GRIK2: variants seen among roughly 807,000 people sequenced by gnomAD.
The protein encoded by GRIK2 is glutamate ionotropic receptor kainate type subunit 2, also known as glutamate receptor ionotropic, kainate 2.
In GRIK2, 32 loss-of-function variants were observed where a neutral mutation model predicts 100.3. That is an observed-to-expected ratio of 0.32 (90% CI 0.24 to 0.43). The LOEUF is 0.43. GRIK2 is among the 20% of genes least tolerant of loss of function. GRIK2 has a pLI of 1.00. For missense variants in GRIK2, 843 were observed against 1,114.9 expected, an observed-to-expected ratio of 0.76 and a Z score of 3.47; for synonymous variants, 417 against 389.4, an observed-to-expected ratio of 1.07 and a Z score of -0.83.
intron 11 of GRIK2, among the ~76,000 whole-genome samples, chr6:101,869,212 C>T (rs1785237333): frequency 6.6e-6 from 1 of 151,742 alleles, no homozygotes; most frequent in Non-Finnish European, 1.5e-5. Context: ...TTTTGAAAGC[C>T]AATTCAATTT....
At chr6:101,793,423 A>T (rs1035845861) in intron 7 of GRIK2, among the ~76,000 whole-genome samples, 3 of 152,118 alleles carry the variant, frequency 2.0e-5, no homozygotes, top group Non-Finnish European at 2.9e-5. Flanking sequence ...TTTCCTTCTA[A>T]CAGACAGGAC....
intron 7 of GRIK2, among the ~76,000 whole-genome samples, chr6:101,727,874 G>C (rs1387529014): frequency 6.6e-6 from 1 of 152,030 alleles, no homozygotes; most frequent in Non-Finnish European, 1.5e-5. Flanking sequence ...GAAGCAATGT[G>C]TATGTATGCA....
intron 10 of GRIK2, among the ~76,000 whole-genome samples, chr6:101,855,560 G>T (rs1437865372): frequency 6.6e-6 from 1 of 152,082 alleles, no homozygotes; most frequent in Non-Finnish European, 1.5e-5. Context: ...TCAATAAAAA[G>T]GCAGTGCAAA....
chr6:101,482,821 A>G (rs760267599), intron 2 of GRIK2, among the ~76,000 whole-genome samples: 28 of 152,096 alleles, frequency 1.8e-4, no homozygotes, highest in Non-Finnish European at 2.9e-4. Flanking sequence ...TCCCACGCAC[A>G]TTGAAAAACA....
intron 14 of GRIK2, among the ~76,000 whole-genome samples, chr6:101,984,722 A>G (rs1793922327): frequency 1.3e-5 from 2 of 150,924 alleles, no homozygotes; most frequent in African/African-American, 4.8e-5. Context: ...TTTCAGAATC[A>G]ATCTAAAGAG....
intron 1 of GRIK2, among the ~76,000 whole-genome samples, chr6:101,396,787 A>C (rs1026991804): frequency 6.6e-6 from 1 of 152,192 alleles, no homozygotes; most frequent in African/African-American, 2.4e-5. Context: ...GTCTTTTAGA[A>C]GTTCAACTGG....
chr6:101,694,474 A>G (rs1772329918), intron 7 of GRIK2, among the ~76,000 whole-genome samples: 1 of 152,140 alleles, frequency 6.6e-6, no homozygotes, highest in African/African-American at 2.4e-5. Context: ...CATTTAACAT[A>G]GAAAATCAAA....
At chr6:101,435,780 A>C (rs2787564) in intron 2 of GRIK2, among the ~76,000 whole-genome samples, 93,565 of 151,872 alleles carry the variant, frequency 0.62, 29,308 homozygotes, top group East Asian at 0.93. Flanking sequence ...TTGGACTCAG[A>C]ATCTTAGATT....
intron 2 of GRIK2, among the ~76,000 whole-genome samples, chr6:101,509,520 C>A (rs577624108): frequency 7.9e-5 from 12 of 152,286 alleles, no homozygotes; most frequent in African/African-American, 2.4e-4. Flanking sequence ...ATCTTCTTAT[C>A]CTGAATTGAA....
Position 101,621,952 on chromosome 6 carries a change from G to C in GRIK2, c.119G>C (p.Gly40Ala). Residue 40 changes from glycine to alanine, a missense_variant, in exon 3 of 17, where the codon GGT becomes GCT. Coordinates refer to ENST00000369134, the MANE Select transcript of GRIK2 (RefSeq NM_021956.5). ...QGTTHVLRFG[G>A]IFEYVESGPM... ...TTTTTCTCTTTCTTTTTGCCAGGTG[G>C]TATTTTTGAATATGTGGAATCTGGC... 6.3e-7 allele frequency: 1 copy of C among 1,596,510 alleles called. No homozygotes were observed. Among genetic ancestry groups the C allele is most frequent in the South Asian group, 1.1e-5 (1 of 90,148 alleles).
chr6:101,499,429 T>C (rs1773633371), intron 2 of GRIK2, among the ~76,000 whole-genome samples: 1 of 152,144 alleles, frequency 6.6e-6, no homozygotes, highest in East Asian at 1.9e-4. Flanking sequence ...TTATTTGTTT[T>C]AGAACATTGA....
intron 2 of GRIK2, among the ~76,000 whole-genome samples, chr6:101,600,754 G>T (rs1309971650): frequency 1.3e-5 from 2 of 151,552 alleles, no homozygotes; most frequent in Admixed American, 6.6e-5. Flanking sequence ...TTTTGTAATT[G>T]GTTTTGTATC....
chr6:101,644,945 T>G (rs1217049372), intron 4 of GRIK2, among the ~76,000 whole-genome samples: 1 of 151,794 alleles, frequency 6.6e-6, no homozygotes, highest in Non-Finnish European at 1.5e-5. Context: ...TTCTCCATGC[T>G]ATAGTAATGA....
chr6:101,607,744 A>C (rs986302129), intron 2 of GRIK2, among the ~76,000 whole-genome samples: 1 of 151,942 alleles, frequency 6.6e-6, no homozygotes, highest in African/African-American at 2.4e-5. Flanking sequence ...AGCATCACCT[A>C]CATAGGCTCT....
intron 14 of GRIK2, among the ~76,000 whole-genome samples, chr6:101,943,003 G>T (rs1233864582): frequency 1.3e-5 from 2 of 152,196 alleles, no homozygotes; most frequent in African/African-American, 4.8e-5. Flanking sequence ...CCCTTCGCAG[G>T]CCTAGAGGCC....
At chr6:101,909,397 A>T (rs1324468003) in intron 12 of GRIK2, among the ~76,000 whole-genome samples, 393 of 16,020 alleles carry the variant, frequency 0.025, 5 homozygotes, top group Admixed American at 0.11. Flanking sequence ...TTTTTTTTTT[A>T]AAGATCATTT....
chr6:101,918,295 A>C (rs1164956242), intron 12 of GRIK2, among the ~76,000 whole-genome samples: 1 of 151,702 alleles, frequency 6.6e-6, no homozygotes, highest in African/African-American at 2.4e-5. Context: ...AAGTGTTCAA[A>C]TGTGTAAAAT....
chr6:102,042,245 A>C (rs1355728590), intron 15 of GRIK2, among the ~76,000 whole-genome samples: 1 of 151,690 alleles, frequency 6.6e-6, no homozygotes, highest in African/African-American at 2.4e-5. Flanking sequence ...CTCAAGATAT[A>C]CTAGGAGAAA....
At chr6:101,832,121 G>A (rs1327566778) in intron 10 of GRIK2, among the ~76,000 whole-genome samples, 3 of 151,370 alleles carry the variant, frequency 2.0e-5, no homozygotes, top group Non-Finnish European at 4.4e-5. Flanking sequence ...CAGTATAAAG[G>A]AATCATTTAC....
Sources: allele counts gnomAD v4.1 joint callset (sites outside exome capture counted in the v4.1 genomes callset), GRCh38; gene constraint gnomAD v4.1.1; transcripts MANE v1.5; gene names NCBI Gene and HGNC (gene_info 2026-07-23, HGNC 2026-07-21).